The following GALNTL6 variants were observed in gnomAD, a reference collection of about 807,000 sequenced individuals.
GALNTL6 encodes polypeptide N-acetylgalactosaminyltransferase like 6, also known as polypeptide N-acetylgalactosaminyltransferase-like 6.
In GALNTL6, 46 loss-of-function variants were observed where a neutral mutation model predicts 73.7. That is an observed-to-expected ratio of 0.62 (90% confidence interval 0.49 to 0.80). The LOEUF (loss-of-function observed/expected upper bound fraction) is 0.80. Ranked by LOEUF, GALNTL6 falls within the 30% of genes least tolerant of loss-of-function variation. The pLI, the probability that GALNTL6 is intolerant of heterozygous loss-of-function variation, is 0.00. For missense variants in GALNTL6, 604 were observed against 755.0 expected (o/e 0.80, Z 2.34); for synonymous variants, 259 against 263.7 (o/e 0.98, Z 0.17).
chr4:172,693,101 T>C (rs1314818905), intron 5 of GALNTL6, among the ~76,000 whole-genome samples: 1 of 152,190 alleles, frequency 6.6e-6, no homozygotes, highest in Non-Finnish European at 1.5e-5. Flanking sequence ...TTTAGATAAT[T>C]AAAATAGGGC....
At chr4:172,405,256 T>A (rs1744165892) in intron 5 of GALNTL6, among the ~76,000 whole-genome samples, 1 of 150,974 alleles carries the variant, frequency 6.6e-6, no homozygotes, top group African/African-American at 2.4e-5. Flanking sequence ...CTCATCCACA[T>A]GGAATCTATG....
At chr4:171,831,872 A>T (rs1734985422) in intron 2 of GALNTL6, among the ~76,000 whole-genome samples, 1 of 151,708 alleles carries the variant, frequency 6.6e-6, no homozygotes, top group African/African-American at 2.4e-5. Context: ...TCATTTTAAT[A>T]TTATAAGAAA....
At chr4:171,993,867 G>A (rs552518823) in intron 2 of GALNTL6, among the ~76,000 whole-genome samples, 22 of 151,718 alleles carry the variant, frequency 1.5e-4, no homozygotes, top group South Asian at 4.2e-4. Flanking sequence ...AAATGCAATA[G>A]AAAATAAGAC....
intron 7 of GALNTL6, among the ~76,000 whole-genome samples, chr4:172,878,450 T>G (rs1285351343): frequency 6.6e-6 from 1 of 151,620 alleles, no homozygotes; most frequent in Non-Finnish European, 1.5e-5. Context: ...ATTTAAAACG[T>G]GTAAAAGTAA....
chr4:171,940,843 A>C (rs146599065), intron 2 of GALNTL6, among the ~76,000 whole-genome samples: 58 of 139,646 alleles, frequency 4.2e-4, no homozygotes, highest in African/African-American at 1.4e-3. Context: ...AAATAAATAA[A>C]TAAATAAATA....
At chr4:172,344,720 A>C (rs899357136) in intron 4 of GALNTL6, among the ~76,000 whole-genome samples, 1 of 152,194 alleles carries the variant, frequency 6.6e-6, no homozygotes, top group East Asian at 1.9e-4. Flanking sequence ...CCTTAATTCT[A>C]TCAGACAAAG....
chr4:171,904,138 G>C (rs1737196017), intron 2 of GALNTL6, among the ~76,000 whole-genome samples: 1 of 152,232 alleles, frequency 6.6e-6, no homozygotes, highest in Admixed American at 6.5e-5. Context: ...AACAAAGCTG[G>C]ACGGAGAATG....
chr4:172,361,599 G>A (rs903486359), intron 5 of GALNTL6, among the ~76,000 whole-genome samples: 16 of 152,114 alleles, frequency 1.1e-4, no homozygotes, highest in African/African-American at 3.9e-4. Flanking sequence ...CCAAGGCAGT[G>A]CATGATGAAT....
chr4:173,022,341 C>T (rs1262304641), intron 12 of GALNTL6, among the ~76,000 whole-genome samples: 1 of 152,166 alleles, frequency 6.6e-6, no homozygotes. Flanking sequence ...CTTTTGGCTT[C>T]GCTTGTTATA....
At chr4:172,998,207 G>A (rs1486398826) in intron 10 of GALNTL6, among the ~76,000 whole-genome samples, 1 of 152,224 alleles carries the variant, frequency 6.6e-6, no homozygotes, top group Non-Finnish European at 1.5e-5. Flanking sequence ...GTCATTGGAT[G>A]TGACTAGCAT....
At chr4:172,463,916 A>G (rs1029907675) in intron 5 of GALNTL6, among the ~76,000 whole-genome samples, 14 of 152,244 alleles carry the variant, frequency 9.2e-5, no homozygotes, top group Non-Finnish European at 1.8e-4. Flanking sequence ...GTTTGCCCGT[A>G]TAGCTAACAC....
intron 2 of GALNTL6, among the ~76,000 whole-genome samples, chr4:171,848,257 G>A (rs908260219): frequency 2.0e-5 from 3 of 152,064 alleles, no homozygotes; most frequent in Non-Finnish European, 2.9e-5. Context: ...CTCATCAGTA[G>A]GCTTAAATAT....
intron 5 of GALNTL6, among the ~76,000 whole-genome samples, chr4:172,681,737 G>A (rs549619033): frequency 6.6e-6 from 1 of 152,220 alleles, no homozygotes; most frequent in African/African-American, 2.4e-5. Context: ...TTATGTTTCA[G>A]GACAAGAACC....
At chr4:172,765,266 A>G (rs2110841733) in intron 5 of GALNTL6, among the ~76,000 whole-genome samples, 1 of 152,366 alleles carries the variant, frequency 6.6e-6, no homozygotes, top group African/African-American at 2.4e-5. Flanking sequence ...TAAATGTCCC[A>G]AAATATAAAA....
At chr4:172,968,445 C>A (rs1020968773) in intron 10 of GALNTL6, among the ~76,000 whole-genome samples, 4 of 152,138 alleles carry the variant, frequency 2.6e-5, no homozygotes, top group African/African-American at 7.2e-5. Context: ...AGTTACCCTG[C>A]ATATATCTGA....
At chr4:172,886,032 A>C (rs1433010633) in intron 8 of GALNTL6, among the ~76,000 whole-genome samples, 1 of 152,190 alleles carries the variant, frequency 6.6e-6, no homozygotes, top group Non-Finnish European at 1.5e-5. Flanking sequence ...TGTCTAGTTT[A>C]GCTATCAGGA....
intron 2 of GALNTL6, among the ~76,000 whole-genome samples, chr4:172,162,855 A>G (rs1271489821): frequency 6.6e-6 from 1 of 152,102 alleles, no homozygotes; most frequent in African/African-American, 2.4e-5. Flanking sequence ...TGAGTAATTA[A>G]GCACGACCAT....
At chr4:172,589,876 TG>T (rs1178111479) in intron 5 of GALNTL6, among the ~76,000 whole-genome samples, 1 of 152,158 alleles carries the variant, frequency 6.6e-6, no homozygotes. Flanking sequence ...CTGTCTTTTT[TG>T]GAAAATTTAC....
intron 2 of GALNTL6, among the ~76,000 whole-genome samples, chr4:172,034,157 T>C (rs971244074): frequency 2.0e-5 from 3 of 152,128 alleles, no homozygotes; most frequent in East Asian, 1.9e-4. Flanking sequence ...CTATATGTAA[T>C]GTAATAAGTT....
Sources: gnomAD v4.1 joint callset for allele counts (sites outside exome capture counted in the v4.1 genomes callset) on GRCh38, gnomAD v4.1.1 for gene constraint, MANE v1.5 for transcripts, NCBI Gene and HGNC (gene_info 2026-07-23, HGNC 2026-07-21) for gene names.